The following PHIP variants were observed in gnomAD, a reference collection of about 807,000 sequenced individuals.
PHIP encodes the protein PH-interacting protein.
In PHIP, 54 loss-of-function variants were observed where a neutral mutation model predicts 236.8. That is an observed-to-expected ratio of 0.23 (90% CI 0.18 to 0.29). PHIP has a LOEUF of 0.29. Among genes scored for constraint, PHIP ranks in the 10% least tolerant of loss-of-function variants. The pLI, the probability that PHIP is intolerant of heterozygous loss-of-function variation, is 1.00. For synonymous variants in PHIP, 756 were observed against 718.9 expected (o/e 1.05, Z -0.83); for missense variants, 1,370 against 2,190.8 (o/e 0.63, Z 7.48).
chr6:79,010,910 C>T lies in PHIP; in HGVS notation c.1524+4172G>A, dbSNP rs146066628. Reference sequence around the variant, plus strand: ...TGCTAATTTAATGGGGAATAAAAGACCATAAAACAATTTATATTTAGGAAC... The same window carrying T: ...TGCTAATTTAATGGGGAATAAAAGATCATAAAACAATTTATATTTAGGAAC... On this transcript the variant is annotated intron_variant, in intron 15 of 39. Transcript: ENST00000275034. 2.6e-5 allele frequency among the ~76,000 whole-genome samples: 4 copies of T among 151,926 alleles called. No homozygotes were observed. In the East Asian group the frequency reaches 5.8e-4, roughly 22 times the overall value.
intron 7 of PHIP, among the ~76,000 whole-genome samples, chr6:79,029,101 A>G (rs534657274): frequency 6.6e-6 from 1 of 152,202 alleles, no homozygotes. Context: ...ACAAAAATGC[A>G]TATGCTTCCC....
At chr6:78,969,549 ATTG>A (rs1767382133) in intron 27 of PHIP, among the ~76,000 whole-genome samples, 1 of 152,184 alleles carries the variant, frequency 6.6e-6, no homozygotes, top group Non-Finnish European at 1.5e-5. Flanking sequence ...TCAAATTTAA[ATTG>A]TTATTAATAT....
intron 6 of PHIP, among the ~76,000 whole-genome samples, chr6:79,052,727 TG>T (rs1740974498): frequency 6.6e-6 from 1 of 152,210 alleles, no homozygotes; most frequent in Non-Finnish European, 1.5e-5. Flanking sequence ...ATTAAATACC[TG>T]ATCTCATAAG....
At chr6:78,984,829 A>G (rs1171722798) in intron 22 of PHIP, among the ~76,000 whole-genome samples, 1 of 152,298 alleles carries the variant, frequency 6.6e-6, no homozygotes, top group African/African-American at 2.4e-5. Context: ...CCCAAAGGCT[A>G]TACTCTCTTT....
At chr6:79,025,914 C>G in intron 8 of PHIP, 29 bp downstream of exon 8, 1 of 1,425,934 alleles carries the variant, frequency 7.0e-7, no homozygotes, top group Non-Finnish European at 9.8e-7. Flanking sequence ...ACAACAACAA[C>G]AACAATGTAT....
intron 35 of PHIP, among the ~76,000 whole-genome samples, chr6:78,952,971 G>A (rs1326269088): frequency 6.6e-6 from 1 of 151,304 alleles, no homozygotes; most frequent in Non-Finnish European, 1.5e-5. Context: ...TTTTCAGGGA[G>A]AGGGTACTAA....
At chr6:78,976,220 G>A (rs1222104688) in intron 24 of PHIP, among the ~76,000 whole-genome samples, 1,635 of 147,966 alleles carry the variant, frequency 0.011, 16 homozygotes, top group Non-Finnish European at 0.017. Flanking sequence ...AAATAACGCC[G>A]CATATCTACA....
chr6:79,075,107 A>C (rs1237485539), intron 4 of PHIP, among the ~76,000 whole-genome samples: 1 of 152,180 alleles, frequency 6.6e-6, no homozygotes, highest in African/African-American at 2.4e-5. Context: ...TAATTAAAAT[A>C]GAAAATACTG....
At chr6:78,947,949 A>C in intron 35 of PHIP, among the ~76,000 whole-genome samples, 174 bp from the exon 36 acceptor site, 1 of 128,704 alleles carries the variant, frequency 7.8e-6, no homozygotes, top group Non-Finnish European at 1.8e-5. Context: ...TTTATTTCAT[A>C]CTCCCCCCCC....
At chr6:79,024,252 G>A (rs774205336) in intron 9 of PHIP, among the ~76,000 whole-genome samples, 1 of 152,082 alleles carries the variant, frequency 6.6e-6, no homozygotes, top group Non-Finnish European at 1.5e-5. Flanking sequence ...AAACACTACT[G>A]TTTTTAAAAT....
chr6:78,975,945 C>T (rs1205778298), intron 24 of PHIP, among the ~76,000 whole-genome samples: 1 of 151,258 alleles, frequency 6.6e-6, no homozygotes, highest in Non-Finnish European at 1.5e-5. Flanking sequence ...AATGGCCATA[C>T]TGCCCAAGGT....
intron 25 of PHIP, 108 bp downstream of exon 25, chr6:78,970,673 T>A: frequency 1.5e-6 from 1 of 686,852 alleles, no homozygotes. Flanking sequence ...AAACAAGGTA[T>A]CTTCATGATG....
At chr6:79,065,113 A>C (rs1424677860) in intron 4 of PHIP, among the ~76,000 whole-genome samples, 1 of 152,096 alleles carries the variant, frequency 6.6e-6, no homozygotes, top group Non-Finnish European at 1.5e-5. Context: ...TTTCCTTCCT[A>C]TTTTTAAATC....
intron 22 of PHIP, among the ~76,000 whole-genome samples, chr6:78,984,592 A>G (rs1185961875): frequency 2.0e-5 from 3 of 152,172 alleles, no homozygotes; most frequent in Admixed American, 6.5e-5. Context: ...TGTCGAGCCA[A>G]AAGAAATTCA....
chr6:79,053,398 C>T (rs1772902982), intron 6 of PHIP, among the ~76,000 whole-genome samples: 1 of 152,252 alleles, frequency 6.6e-6, no homozygotes, highest in East Asian at 1.9e-4. Context: ...TTTGCAAATT[C>T]AAAGGTATTT....
In PHIP at chr6:79,042,984, C is replaced by T; in HGVS notation, c.459G>A (p.Arg153=). Residue 153 remains arginine, a synonymous_variant, in exon 7 of 40, where the codon AGG becomes AGA. Coordinates refer to ENST00000275034, the MANE Select transcript of PHIP (RefSeq NM_017934.7). ...PPSIADTLFS[R]KLNGKYRLER... is the part of the protein sequence containing the mutation. ...CAAGTCTGTATTTCCCATTCAGCTTCCTTGAAAACAGAGTATCCGCTACCA... is the reference window on the plus strand; with the variant it reads ...CAAGTCTGTATTTCCCATTCAGCTTTCTTGAAAACAGAGTATCCGCTACCA... 6.2e-7 allele frequency: 1 copy of T among 1,608,606 alleles called. No individual in the cohort carries two copies. The highest frequency in any genetic ancestry group is 8.5e-7 in the Non-Finnish European group (1 of 1,177,854).
chr6:79,066,528 A>G (rs1773629480), intron 4 of PHIP, among the ~76,000 whole-genome samples: 1 of 152,210 alleles, frequency 6.6e-6, no homozygotes, highest in Non-Finnish European at 1.5e-5. Context: ...ATGTGTATAT[A>G]TCAATGTGCA....
At chr6:79,007,130 A>C (rs1770329631) in intron 15 of PHIP, among the ~76,000 whole-genome samples, 1 of 152,106 alleles carries the variant, frequency 6.6e-6, no homozygotes, top group Non-Finnish European at 1.5e-5. Context: ...ATTTATACTA[A>C]ACTTTAAAGA....
At chr6:79,070,801 C>A (rs894137037) in intron 4 of PHIP, among the ~76,000 whole-genome samples, 1 of 152,174 alleles carries the variant, frequency 6.6e-6, no homozygotes, top group Non-Finnish European at 1.5e-5. Context: ...CTTATAATAT[C>A]TAATACAACG....
Sources: gnomAD v4.1 joint callset for allele counts (sites outside exome capture counted in the v4.1 genomes callset) on GRCh38, gnomAD v4.1.1 for gene constraint, MANE v1.5 for transcripts, NCBI Gene and HGNC (gene_info 2026-07-23, HGNC 2026-07-21) for gene names.